SMARCA2: variants seen among roughly 807,000 people sequenced by gnomAD.
SMARCA2 encodes SWI/SNF related BAF chromatin remodeling complex subunit ATPase 2, also known as SWI/SNF-related matrix-associated actin-dependent regulator of chromatin subfamily A member 2.
A neutral mutation model predicts 199.8 loss-of-function variants in SMARCA2; 61 were observed. The observed-to-expected ratio is 0.31, with a 90% CI of 0.25 to 0.38. The LOEUF is 0.38. Among genes scored for constraint, SMARCA2 ranks in the 10% least tolerant of loss-of-function variants. SMARCA2 has a pLI of 1.00. For missense variants in SMARCA2, 1,344 were observed against 2,012.2 expected, an observed-to-expected ratio of 0.67 and a Z score of 6.35; for synonymous variants, 935 against 732.0, an observed-to-expected ratio of 1.28 and a Z score of -4.48.
intron 9 of SMARCA2, among the ~76,000 whole-genome samples, chr9:2,065,391 A>T (rs1217969075): frequency 6.6e-6 from 1 of 152,170 alleles, no homozygotes; most frequent in Non-Finnish European, 1.5e-5. Flanking sequence ...ACTAGACCAG[A>T]TATAGTCTTC....
chr9:2,062,946 G>A lies in SMARCA2; in HGVS notation c.1692+1960G>A, dbSNP rs114543833. On this transcript the variant is annotated intron_variant, in intron 9 of 33. Coordinates refer to ENST00000349721, the MANE Select transcript of SMARCA2 (RefSeq NM_003070.5). ...CTGTTTCCAGTTGGAGGTGGGGCCT[G>A]ATTTCTTGGCAAACGCGTAATAGTT... 4.7e-3 allele frequency among the ~76,000 whole-genome samples: 709 copies of A among 152,264 alleles called. 4 individuals are homozygous for A. Among genetic ancestry groups the A allele is most frequent in the African/African-American group, 0.016 (661 of 41,550 alleles).
At chr9:2,094,955 T>G (rs1822208721) in intron 19 of SMARCA2, among the ~76,000 whole-genome samples, 1 of 152,230 alleles carries the variant, frequency 6.6e-6, no homozygotes, top group African/African-American at 2.4e-5. Flanking sequence ...GGTAATCATT[T>G]CACAATGTTT....
chr9:2,031,766 G>A (rs1385494474), intron 2 of SMARCA2, among the ~76,000 whole-genome samples: 3 of 152,118 alleles, frequency 2.0e-5, no homozygotes. Flanking sequence ...GTGAGGACAC[G>A]GGTGAGGGTT....
chr9:2,136,755 G>C (rs1043648274), intron 27 of SMARCA2, among the ~76,000 whole-genome samples: 3 of 152,076 alleles, frequency 2.0e-5, no homozygotes, highest in East Asian at 1.9e-4. Flanking sequence ...GTCAAGAGCA[G>C]GTCTCCAAGT....
At chr9:2,085,642 T>C (rs1030447673) in intron 17 of SMARCA2, 3 of 152,060 alleles carry the variant, frequency 2.0e-5, no homozygotes, top group African/African-American at 7.2e-5. Context: ...GGAAAAAAAA[T>C]CGAGGTAGTT....
At position 2,161,362 on chromosome 9, in the gene SMARCA2, A is replaced by C. The variant is rs1433468446; in HGVS notation, c.3982-324A>C. Among the ~76,000 whole-genome samples the C allele has an allele frequency of 6.6e-6, 1 of 152,154 alleles. No homozygotes were observed. Among genetic ancestry groups the C allele is most frequent in the Non-Finnish European group, 1.5e-5 (1 of 68,020 alleles). On this transcript the variant is annotated intron_variant, in intron 27 of 33. Coordinates refer to ENST00000349721, the MANE Select transcript of SMARCA2 (RefSeq NM_003070.5). The surrounding 1 kb of genome is among the most constrained non-coding windows in gnomAD (Gnocchi z 4.7). ...TAGGGTCTTGTTCTTAAACTGAGCT[A>C]AAATTTCATCTGGATTCAGTTATCA...
chr9:2,030,371 G>C, intron 2 of SMARCA2, among the ~76,000 whole-genome samples: 1 of 151,986 alleles, frequency 6.6e-6, no homozygotes, highest in Non-Finnish European at 1.5e-5. Context: ...GAGAACTGAT[G>C]ATGTGAGTTC....
chr9:2,029,238 A>G lies in SMARCA2; in HGVS notation c.216A>G (p.Gln72=). 1 of 1,610,860 alleles carries G rather than the reference A, an allele frequency of 6.2e-7. No individual in the cohort carries two copies. The highest frequency in any genetic ancestry group is 8.5e-7 in the Non-Finnish European group (1 of 1,178,244). Residue 72 remains glutamine, a synonymous_variant, in exon 2 of 34, where the codon CAA becomes CAG. Transcript: ENST00000349721. ...STDFPQEGMH[Q]MHKPIDGIHD... Reference sequence around the variant, plus strand: ...ACTTCCCACAGGAAGGCATGCATCAAATGCATAAGGTAAGAGTTTGTTCTC... The same window carrying G: ...ACTTCCCACAGGAAGGCATGCATCAGATGCATAAGGTAAGAGTTTGTTCTC...
At chr9:2,187,092 G>A (rs1827514772) in intron 32 of SMARCA2, among the ~76,000 whole-genome samples, 1 of 152,060 alleles carries the variant, frequency 6.6e-6, no homozygotes, top group Non-Finnish European at 1.5e-5. Context: ...GTCAAACTGA[G>A]TTGGAACTGT....
In SMARCA2 at chr9:2,050,973, C is replaced by T. The variant is rs187749338; in HGVS notation, c.1046+3489C>T. On this transcript the variant is annotated intron_variant, in intron 5 of 33. Transcript: ENST00000349721. Reference sequence around the variant, plus strand: ...CATCAATTTTCTGTACTCGTGAGGACGCTAAATGAGTCCCCTGCAGTTATG... The same window carrying T: ...CATCAATTTTCTGTACTCGTGAGGATGCTAAATGAGTCCCCTGCAGTTATG... Among the ~76,000 whole-genome samples, 6 of 152,260 alleles carry T rather than the reference C, an allele frequency of 3.9e-5. No individual in the cohort carries two copies. The East Asian group carries it at 5.8e-4, about 15-fold the overall frequency.
At position 2,065,860 on chromosome 9, in the gene SMARCA2, G is replaced by C. The variant is rs545617299; in HGVS notation, c.1693-4558G>C. Among the ~76,000 whole-genome samples, 3 of 152,320 alleles carry C rather than the reference G, an allele frequency of 2.0e-5. No individual in the cohort carries two copies. The East Asian group carries it at 5.8e-4, about 29-fold the overall frequency. On this transcript the variant is annotated intron_variant, in intron 9 of 33. Transcript: ENST00000349721. ...GGCGAACACAATGCCACAGTGATTA[G>C]ATTTATTTGATTAGTTGAGTGTCAA...
chr9:2,153,096 C>G (rs529373914), intron 27 of SMARCA2, among the ~76,000 whole-genome samples: 2 of 152,262 alleles, frequency 1.3e-5, no homozygotes, highest in African/African-American at 2.4e-5. Flanking sequence ...TAAAGGAACT[C>G]AGCTAATTCA....
At position 2,169,645 on chromosome 9, in the gene SMARCA2, C is replaced by G. The variant is rs539496324; in HGVS notation, c.4200-774C>G. Among the ~76,000 whole-genome samples, 1 of 151,990 alleles carries G rather than the reference C, an allele frequency of 6.6e-6. No individual in the cohort carries two copies. The highest frequency in any genetic ancestry group is 2.4e-5 in the African/African-American group (1 of 41,394). On this transcript the variant is annotated intron_variant, in intron 28 of 33. Coordinates refer to ENST00000349721, the MANE Select transcript of SMARCA2 (RefSeq NM_003070.5). The surrounding 1 kb of genome is among the most constrained non-coding windows in gnomAD (Gnocchi z 6.5). ...CATGGACAGGCACAGGCTGTGAATC[C>G]CAAAGGGTGCTGTCTACACCTGGAG...
chr9:2,187,675 T>A (rs953688259), intron 32 of SMARCA2, among the ~76,000 whole-genome samples: 12 of 150,346 alleles, frequency 8.0e-5, no homozygotes, highest in African/African-American at 2.9e-4. Context: ...AAACTCTATC[T>A]AAAAAAAAAA....
chr9:2,190,209 GGGTGCAGTCTTTCTGAA>G (rs1299649773), intron 32 of SMARCA2, among the ~76,000 whole-genome samples: 1 of 152,188 alleles, frequency 6.6e-6, no homozygotes, highest in Non-Finnish European at 1.5e-5. Flanking sequence ...AGGTGGAAAT[GGGTGCAGTCTTTCTGAA>G]GGCTAATCTG....
At chr9:2,178,866 A>G (rs923834931) in intron 29 of SMARCA2, among the ~76,000 whole-genome samples, 3 of 152,136 alleles carry the variant, frequency 2.0e-5, no homozygotes, top group East Asian at 1.9e-4. Context: ...TGGCCATCCA[A>G]TCCCTTGCTC....
chr9:2,054,791 G>T, intron 6 of SMARCA2, 68 bp downstream of exon 6: 1 of 1,534,168 alleles, frequency 6.5e-7, no homozygotes, highest in East Asian at 2.3e-5. Flanking sequence ...AGTGTTATCT[G>T]TGTTGCCTTT....
intron 3 of SMARCA2, among the ~76,000 whole-genome samples, chr9:2,037,921 T>G (rs1454073659): frequency 6.6e-6 from 1 of 152,220 alleles, no homozygotes; most frequent in Non-Finnish European, 1.5e-5. Context: ...TATGTCTTTC[T>G]AGGAATTCTA....
chr9:2,192,785 C>T lies in SMARCA2; in HGVS notation c.*46C>T. ...TGGTAGAACTGAATTCCTTCCTCCC[C>T]TGTCTCATTTCTACCCAGTGAGTTC... On this transcript the variant is annotated 3_prime_UTR_variant, in exon 34 of 34. Coordinates refer to ENST00000349721, the MANE Select transcript of SMARCA2 (RefSeq NM_003070.5). 7.0e-7 allele frequency: 1 copy of T among 1,427,080 alleles called. No homozygotes were observed. Among genetic ancestry groups the T allele is most frequent in the Non-Finnish European group, 9.9e-7 (1 of 1,010,348 alleles). The allele number at this position is 1,427,080 out of a possible 1,614,324, so 88.4% of individuals were successfully genotyped here.
Sources: allele counts gnomAD v4.1 joint callset (sites outside exome capture counted in the v4.1 genomes callset), GRCh38; gene constraint gnomAD v4.1.1; non-coding constraint Gnocchi (gnomAD v3.1); transcripts MANE v1.5; gene names NCBI Gene and HGNC (gene_info 2026-07-23, HGNC 2026-07-21).